TMTC2: variants seen among roughly 807,000 people sequenced by gnomAD.
The protein encoded by TMTC2 is protein O-mannosyl-transferase TMTC2.
TMTC2 carries 43 observed loss-of-function variants against 82.4 expected under a neutral mutation model. That is an observed-to-expected ratio of 0.52 (90% confidence interval 0.41 to 0.67). The LOEUF (loss-of-function observed/expected upper bound fraction) is 0.67. Among genes scored for constraint, TMTC2 ranks in the 30% least tolerant of loss-of-function variants. TMTC2 has a pLI of 0.00. For synonymous variants in TMTC2, 408 were observed against 381.9 expected, an observed-to-expected ratio of 1.07 and a Z score of -0.80; for missense variants, 919 against 1,012.4, an observed-to-expected ratio of 0.91 and a Z score of 1.25.
intron 4 of TMTC2, among the ~76,000 whole-genome samples, chr12:82,958,558 A>G (rs991647727): frequency 7.9e-5 from 12 of 152,118 alleles, no homozygotes; most frequent in Non-Finnish European, 1.5e-5. Flanking sequence ...GATTCGCCAC[A>G]TAAGTAAAAT....
Position 82,708,446 on chromosome 12 carries a change from G to A in TMTC2, c.83+20777G>A, listed in dbSNP as rs531486051. 1.7e-3 allele frequency among the ~76,000 whole-genome samples: 258 copies of A among 152,334 alleles called. 1 individual carries two copies. Among genetic ancestry groups the A allele is most frequent in the African/African-American group, 6.0e-3 (250 of 41,574 alleles). On this transcript the variant is annotated intron_variant, in intron 1 of 11. Coordinates refer to ENST00000321196, the MANE Select transcript of TMTC2 (RefSeq NM_152588.3). ...CTGTGACTTTTGCAGAACTTGGCAA[G>A]CATGCTGCCTAGGAGACTATACTAG...
Position 82,857,147 on chromosome 12 carries a change from G to A in TMTC2, c.221G>A (p.Arg74His), listed in dbSNP as rs1302714426. Residue 74 changes from arginine to histidine, a missense_variant, in exon 2 of 12, where the codon CGC becomes CAC. Transcript: ENST00000321196. ...SYRPLCTLSF[R>H]LNHAIGGLNP... is the part of the protein sequence containing the mutation. ...CGGCCACTCTGCACTCTTTCTTTTC[G>A]CCTGAACCATGCCATTGGAGGGTTG... is the stretch of plus-strand genomic sequence containing the variant. 10 of 1,613,988 alleles carry A rather than the reference G, an allele frequency of 6.2e-6. No homozygotes were observed. The highest frequency in any genetic ancestry group is 1.3e-5 in the African/African-American group (1 of 74,974).
chr12:82,906,639 A>T (rs964644574), intron 3 of TMTC2, among the ~76,000 whole-genome samples: 1 of 152,196 alleles, frequency 6.6e-6, no homozygotes, highest in Non-Finnish European at 1.5e-5. Flanking sequence ...CAGTGAGCCG[A>T]GATCGTGCCA....
In TMTC2 at chr12:83,027,694, T is replaced by C. The variant is rs553393623; in HGVS notation, c.2071-3104T>C. ...AGCAGAAAGATGAGTTTTTGTGTGA[T>C]GGCACAGTGTCTCCCCCTAGAAAGA... On this transcript the variant is annotated intron_variant, in intron 8 of 11. Transcript: ENST00000321196. 1.3e-3 allele frequency among the ~76,000 whole-genome samples: 203 copies of C among 152,324 alleles called. 2 individuals are homozygous for C. The highest frequency in any genetic ancestry group is 2.7e-3 in the Admixed American group (42 of 15,292).
chr12:82,899,385 G>A (rs761435343), intron 3 of TMTC2, among the ~76,000 whole-genome samples: 7 of 151,514 alleles, frequency 4.6e-5, no homozygotes, highest in Non-Finnish European at 1.0e-4. Flanking sequence ...TCCCTTCATA[G>A]CTGACATCCA....
chr12:82,726,613 G>A lies in TMTC2; in HGVS notation c.83+38944G>A, dbSNP rs899561745. Among the ~76,000 whole-genome samples the A allele has an allele frequency of 3.9e-5, 6 of 152,154 alleles. No homozygotes were observed. In the East Asian group the frequency reaches 1.2e-3, roughly 29 times the overall value. On this transcript the variant is annotated intron_variant, in intron 1 of 11. Transcript: ENST00000321196. ...TGGCAAAGCCAAGTCTGGTGTGGTG[G>A]CTCACGCCTATAATCTCAGCACTTT... is the stretch of plus-strand genomic sequence containing the variant.
chr12:82,739,778 G>A (rs1454911074), intron 1 of TMTC2, among the ~76,000 whole-genome samples: 1 of 147,956 alleles, frequency 6.8e-6, no homozygotes, highest in Non-Finnish European at 1.5e-5. Flanking sequence ...ATCTTTATGT[G>A]GGTAGAACAT....
intron 1 of TMTC2, among the ~76,000 whole-genome samples, chr12:82,839,826 A>G (rs1040305836): frequency 1.3e-5 from 2 of 152,068 alleles, no homozygotes; most frequent in Non-Finnish European, 2.9e-5. Flanking sequence ...ACTTCTTTTT[A>G]TTTTATGCTT....
At chr12:82,735,969 TCACA>T (rs148485109) in intron 1 of TMTC2, among the ~76,000 whole-genome samples, 84,847 of 145,522 alleles carry the variant, frequency 0.58, 24,670 homozygotes, top group Middle Eastern at 0.67. Flanking sequence ...CGAGACTCCG[TCACA>T]CACACACACA....
intron 8 of TMTC2, among the ~76,000 whole-genome samples, chr12:82,992,186 G>A (rs954261391): frequency 5.3e-5 from 8 of 152,196 alleles, no homozygotes; most frequent in African/African-American, 1.4e-4. Flanking sequence ...CTGAAATGGT[G>A]TCAGTGTAGT....
At chr12:82,787,000 A>G (rs113662957) in intron 1 of TMTC2, among the ~76,000 whole-genome samples, 11 of 152,268 alleles carry the variant, frequency 7.2e-5, no homozygotes, top group African/African-American at 2.6e-4. Flanking sequence ...TACAGTTTGT[A>G]TGTAGCCCTC....
chr12:82,881,346 C>T (rs918133025), intron 2 of TMTC2, among the ~76,000 whole-genome samples: 1 of 152,166 alleles, frequency 6.6e-6, no homozygotes, highest in African/African-American at 2.4e-5. Flanking sequence ...TGTGTATTAA[C>T]TTTCCGACAT....
chr12:82,747,768 T>C (rs1373452877), intron 1 of TMTC2, among the ~76,000 whole-genome samples: 1 of 152,224 alleles, frequency 6.6e-6, no homozygotes, highest in South Asian at 2.1e-4. Flanking sequence ...TAAATACGTT[T>C]AGCACTTTCT....
intron 3 of TMTC2, among the ~76,000 whole-genome samples, chr12:82,900,830 G>A (rs1266842366): frequency 8.0e-6 from 1 of 124,720 alleles, no homozygotes; most frequent in Non-Finnish European, 1.6e-5. Flanking sequence ...TATATACCTG[G>A]AATATATATA....
At chr12:82,712,908 T>G (rs1470836430) in intron 1 of TMTC2, among the ~76,000 whole-genome samples, 1 of 151,740 alleles carries the variant, frequency 6.6e-6, no homozygotes, top group Non-Finnish European at 1.5e-5. Context: ...TCGCACCAAG[T>G]CAGGAAGGAA....
At chr12:82,853,062 G>T (rs1322297226) in intron 1 of TMTC2, among the ~76,000 whole-genome samples, 2 of 151,138 alleles carry the variant, frequency 1.3e-5, no homozygotes, top group Non-Finnish European at 2.9e-5. Context: ...AACTATGTTT[G>T]TCTTTTTTTC....
At chr12:82,743,266 C>T (rs1350302913) in intron 1 of TMTC2, among the ~76,000 whole-genome samples, 1 of 151,920 alleles carries the variant, frequency 6.6e-6, no homozygotes, top group Non-Finnish European at 1.5e-5. Context: ...CATGGTGAAA[C>T]CCCATCTCTA....
Position 83,132,498 on chromosome 12 carries a change from G to A in TMTC2, c.*109G>A, listed in dbSNP as rs1389993462. On this transcript the variant is annotated 3_prime_UTR_variant, in exon 12 of 12. Transcript: ENST00000321196. ...GAGCTGGTGTTAGACTTCAAGACCA[G>A]GGCAGAGGTCATTGAGGTCACTACC... is the stretch of plus-strand genomic sequence containing the variant. 1 of 1,270,134 alleles carries A rather than the reference G, an allele frequency of 7.9e-7. No individual in the cohort carries two copies. Among genetic ancestry groups the A allele is most frequent in the East Asian group, 2.5e-5 (1 of 39,868 alleles). 78.7% of individuals were successfully genotyped at this position (1,270,134 alleles called of 1,614,324 possible). A position where few individuals can be genotyped will look rare whatever the true frequency, so the allele number is the denominator to read the frequency against.
At chr12:83,010,323 G>A (rs1356710384) in intron 8 of TMTC2, among the ~76,000 whole-genome samples, 6 of 152,084 alleles carry the variant, frequency 3.9e-5, no homozygotes, top group Admixed American at 1.3e-4. Flanking sequence ...CAAGAAACCA[G>A]CCATCAGGCC....
Sources: allele counts gnomAD v4.1 joint callset (sites outside exome capture counted in the v4.1 genomes callset), GRCh38; gene constraint gnomAD v4.1.1; transcripts MANE v1.5; gene names NCBI Gene and HGNC (gene_info 2026-07-23, HGNC 2026-07-21).